MTUS2: variants seen among roughly 807,000 people sequenced by gnomAD.
The protein encoded by MTUS2 is microtubule associated scaffold protein 2, also known as microtubule-associated tumor suppressor candidate 2.
MTUS2 carries 40 observed loss-of-function variants against 114.1 expected under a neutral mutation model. The observed-to-expected ratio is 0.35, with a 90% CI of 0.27 to 0.46. The LOEUF is 0.46. Ranked by LOEUF, MTUS2 falls within the 20% of genes least tolerant of loss-of-function variation. MTUS2 has a pLI of 1.00. For missense variants in MTUS2, 1,679 were observed against 1,705.4 expected, an observed-to-expected ratio of 0.98 and a Z score of 0.27; for synonymous variants, 688 against 672.0, an observed-to-expected ratio of 1.02 and a Z score of -0.37.
At chr13:29,302,450 C>T (rs1899246762) in intron 6 of MTUS2, among the ~76,000 whole-genome samples, 1 of 152,184 alleles carries the variant, frequency 6.6e-6, no homozygotes, top group Non-Finnish European at 1.5e-5. Flanking sequence ...CAGGCACACA[C>T]ACAGTCCCAG....
intron 8 of MTUS2, among the ~76,000 whole-genome samples, chr13:29,394,819 C>T (rs1035039925): frequency 6.6e-6 from 1 of 152,186 alleles, no homozygotes. Flanking sequence ...GGAACACAAA[C>T]CCTGTTGTTA....
intron 5 of MTUS2, among the ~76,000 whole-genome samples, chr13:29,175,766 TA>T (rs1237632955): frequency 2.0e-5 from 2 of 97,992 alleles, no homozygotes; most frequent in Admixed American, 2.2e-4. Context: ...GTCTCAACAA[TA>T]GGTTTTCTTT....
intron 8 of MTUS2, among the ~76,000 whole-genome samples, chr13:29,392,274 G>A (rs945247960): frequency 1.3e-5 from 2 of 152,024 alleles, no homozygotes; most frequent in African/African-American, 4.8e-5. Flanking sequence ...TCTGTCTCTA[G>A]GAATTTGACC....
intron 2 of MTUS2, among the ~76,000 whole-genome samples, chr13:28,913,280 A>G (rs1296622145): frequency 6.6e-6 from 1 of 152,142 alleles, no homozygotes; most frequent in Non-Finnish European, 1.5e-5. Flanking sequence ...ACTTTGAGGT[A>G]TGTTCCTTCA....
At chr13:29,298,453 A>G (rs1181848715) in intron 6 of MTUS2, among the ~76,000 whole-genome samples, 3 of 152,150 alleles carry the variant, frequency 2.0e-5, no homozygotes, top group Non-Finnish European at 4.4e-5. Context: ...CTGTAATTTG[A>G]TAATATAAGT....
Position 29,177,821 on chromosome 13 carries a change from C to T in MTUS2, c.2644+76851C>T, listed in dbSNP as rs181121433. 5.1e-3 allele frequency among the ~76,000 whole-genome samples: 778 copies of T among 152,230 alleles called. 5 individuals are homozygous for T. Among genetic ancestry groups the T allele is most frequent in the Non-Finnish European group, 8.1e-3 (552 of 68,016 alleles). ...TCGTGGAGAAGCTCCAATGTGTGCT[C>T]AGATGAGGACCCTGAGCTACACCTT... On this transcript the variant is annotated intron_variant, in intron 5 of 15. Transcript: ENST00000612955.
At chr13:29,431,061 G>T (rs1030898683) in intron 8 of MTUS2, among the ~76,000 whole-genome samples, 9 of 152,156 alleles carry the variant, frequency 5.9e-5, no homozygotes, top group South Asian at 2.1e-4. Context: ...CAATTTAACA[G>T]TTTGATCATA....
chr13:29,459,224 A>G (rs186667753), intron 9 of MTUS2, among the ~76,000 whole-genome samples: 1 of 152,276 alleles, frequency 6.6e-6, no homozygotes, highest in East Asian at 1.9e-4. Flanking sequence ...AGAAAGGGAG[A>G]TGAGGACGGC....
At chr13:28,833,982 G>A (rs1464366644) in intron 1 of MTUS2, among the ~76,000 whole-genome samples, 1 of 152,052 alleles carries the variant, frequency 6.6e-6, no homozygotes, top group Non-Finnish European at 1.5e-5. Context: ...TTCAGGACTT[G>A]TACACTAAAA....
chr13:29,164,119 C>T (rs968105633), intron 5 of MTUS2, among the ~76,000 whole-genome samples: 3 of 152,180 alleles, frequency 2.0e-5, no homozygotes, highest in African/African-American at 7.2e-5. Context: ...CCCTTTTCCA[C>T]ACCATAAAAC....
intron 5 of MTUS2, among the ~76,000 whole-genome samples, chr13:29,263,320 G>A (rs1471225662): frequency 6.6e-6 from 1 of 152,134 alleles, no homozygotes; most frequent in Admixed American, 6.5e-5. Context: ...ATAGACAAGG[G>A]TGTGGTCTCT....
chr13:29,381,192 A>T (rs914731694), intron 8 of MTUS2, among the ~76,000 whole-genome samples: 1 of 152,142 alleles, frequency 6.6e-6, no homozygotes, highest in Admixed American at 6.6e-5. Context: ...GCTGGTATTG[A>T]GGAGGAGAGA....
In MTUS2 at chr13:29,280,275, A is replaced by G. The variant is rs189441810; in HGVS notation, c.2645-1429A>G. ...TGCAGATCCTTTCAATGGAGTTTCAATGCATTTATTTTCTTTGCATAGATC... is the reference window on the plus strand; with the variant it reads ...TGCAGATCCTTTCAATGGAGTTTCAGTGCATTTATTTTCTTTGCATAGATC... On this transcript the variant is annotated intron_variant, in intron 5 of 15. Transcript: ENST00000612955. Among the ~76,000 whole-genome samples the G allele has an allele frequency of 5.3e-3, 800 of 152,310 alleles. 3 individuals carry two copies. The highest frequency in any genetic ancestry group is 7.1e-3 in the Non-Finnish European group (480 of 68,014).
chr13:29,276,681 T>A (rs1005300237), intron 5 of MTUS2, among the ~76,000 whole-genome samples: 2 of 152,128 alleles, frequency 1.3e-5, no homozygotes, highest in African/African-American at 4.8e-5. Context: ...GTGGATCACC[T>A]GAGGTCAGGA....
intron 9 of MTUS2, among the ~76,000 whole-genome samples, chr13:29,460,545 T>G (rs1185076554): frequency 6.6e-6 from 1 of 152,214 alleles, no homozygotes; most frequent in Non-Finnish European, 1.5e-5. Flanking sequence ...TGCAAAAGCC[T>G]CCATTTCTGC....
chr13:29,455,797 A>G (rs562895249), intron 9 of MTUS2, among the ~76,000 whole-genome samples: 68 of 152,288 alleles, frequency 4.5e-4, no homozygotes, highest in African/African-American at 1.4e-3. Context: ...CCTTGGCAAC[A>G]TGGCAAAACC....
intron 6 of MTUS2, among the ~76,000 whole-genome samples, chr13:29,315,071 C>T (rs1344021153): frequency 2.6e-5 from 4 of 152,018 alleles, no homozygotes; most frequent in African/African-American, 4.8e-5. Context: ...AAGCCAGGCA[C>T]GGAAAGCCAG....
At position 28,969,466 on chromosome 13, in the gene MTUS2, A is replaced by G. The variant is rs1883752931; in HGVS notation, c.-242-54991A>G. On this transcript the variant is annotated intron_variant, in intron 2 of 15. Transcript: ENST00000612955. ...CATGAAATATATTATTATGATGATT[A>G]TTATTTTTGAGATGAAGTTTTGCAC... is the stretch of plus-strand genomic sequence containing the variant. Among the ~76,000 whole-genome samples the G allele has an allele frequency of 2.0e-5, 3 of 151,958 alleles. 1 individual carries two copies. Among genetic ancestry groups the G allele is most frequent in the Admixed American group, 1.3e-4 (2 of 15,244 alleles).
chr13:28,898,607 C>A (rs1033153905), intron 2 of MTUS2, among the ~76,000 whole-genome samples: 2 of 152,190 alleles, frequency 1.3e-5, no homozygotes, highest in East Asian at 3.8e-4. Context: ...AAAGTACCAT[C>A]TGAGTGCCAC....
Sources: gnomAD v4.1 joint callset for allele counts (sites outside exome capture counted in the v4.1 genomes callset) on GRCh38, gnomAD v4.1.1 for gene constraint, MANE v1.5 for transcripts, NCBI Gene and HGNC (gene_info 2026-07-23, HGNC 2026-07-21) for gene names.